Variants in CSMD1 observed in about 807,000 individuals in gnomAD.
The protein encoded by CSMD1 is CUB and Sushi multiple domains 1.
Under a neutral mutation model 417.5 loss-of-function variants are expected in CSMD1, and 213 were observed. The observed-to-expected ratio is 0.51, with a 90% CI of 0.46 to 0.57. The LOEUF (loss-of-function observed/expected upper bound fraction) is 0.57. Ranked by LOEUF, CSMD1 falls within the 20% of genes least tolerant of loss-of-function variation. CSMD1 has a pLI of 0.00. For missense variants in CSMD1, 6,923 were observed against 4,529.7 expected (o/e 1.53, Z -15.17); for synonymous variants, 2,862 against 1,736.8 (o/e 1.65, Z -16.11).
intron 3 of CSMD1, among the ~76,000 whole-genome samples, chr8:4,122,004 T>G (rs115577702): frequency 0.079 from 12,027 of 152,112 alleles, 521 homozygotes; most frequent in Middle Eastern, 0.099. Context: ...TTTTTAATCA[T>G]TAAGAATAAT....
chr8:3,285,299 A>G (rs1379563462), intron 25 of CSMD1, among the ~76,000 whole-genome samples: 1 of 152,214 alleles, frequency 6.6e-6, no homozygotes, highest in Non-Finnish European at 1.5e-5. Flanking sequence ...GTATTTTTAA[A>G]ATAATCAAGA....
chr8:4,066,663 A>G (rs1799266337), intron 3 of CSMD1, among the ~76,000 whole-genome samples: 1 of 152,192 alleles, frequency 6.6e-6, no homozygotes, highest in Non-Finnish European at 1.5e-5. Flanking sequence ...TGCTCATCAA[A>G]CCAAGAACAT....
At chr8:4,742,725 G>A (rs1391918492) in intron 1 of CSMD1, among the ~76,000 whole-genome samples, 4 of 152,088 alleles carry the variant, frequency 2.6e-5, no homozygotes, top group African/African-American at 9.7e-5. Context: ...TGTGAAAATG[G>A]CAAGTGGCAG....
At chr8:4,225,300 T>G (rs544108066) in intron 3 of CSMD1, among the ~76,000 whole-genome samples, 111 of 152,172 alleles carry the variant, frequency 7.3e-4, no homozygotes, top group Non-Finnish European at 1.3e-3. Flanking sequence ...TGTTTTAAAC[T>G]TTCTTTTCTG....
chr8:3,119,848 C>G (rs574141622), intron 41 of CSMD1, among the ~76,000 whole-genome samples: 2 of 152,286 alleles, frequency 1.3e-5, no homozygotes, highest in South Asian at 4.1e-4. Context: ...CTGAAACCAA[C>G]CCTCAGCGCC....
chr8:4,535,063 T>C (rs1481730474), intron 2 of CSMD1, among the ~76,000 whole-genome samples: 1 of 152,198 alleles, frequency 6.6e-6, no homozygotes, highest in African/African-American at 2.4e-5. Context: ...GCCTGGCCAA[T>C]TTATTTCTTT....
At chr8:4,276,416 T>C (rs971097797) in intron 3 of CSMD1, among the ~76,000 whole-genome samples, 1 of 151,782 alleles carries the variant, frequency 6.6e-6, no homozygotes. Context: ...TAAGTGGGAG[T>C]TGAACAATGA....
At chr8:4,214,448 C>A (rs750269393) in intron 3 of CSMD1, among the ~76,000 whole-genome samples, 1 of 152,146 alleles carries the variant, frequency 6.6e-6, no homozygotes, top group African/African-American at 2.4e-5. Context: ...CAGGCATGCA[C>A]CACCACACTT....
intron 7 of CSMD1, among the ~76,000 whole-genome samples, chr8:3,631,180 T>C (rs73493663): frequency 0.077 from 11,728 of 152,248 alleles, 1,003 homozygotes; most frequent in African/African-American, 0.21. Flanking sequence ...GCAGGACTCC[T>C]TCCCCTTCTC....
intron 7 of CSMD1, among the ~76,000 whole-genome samples, chr8:3,634,010 T>A (rs1470922641): frequency 6.6e-6 from 1 of 151,606 alleles, no homozygotes; most frequent in East Asian, 1.9e-4. Flanking sequence ...TGTCTGTAAA[T>A]GTTTTATCTG....
chr8:3,942,307 T>C (rs1810937193), intron 5 of CSMD1, among the ~76,000 whole-genome samples: 1 of 152,132 alleles, frequency 6.6e-6, no homozygotes, highest in Non-Finnish European at 1.5e-5. Context: ...ATCCCTCCTC[T>C]TCCAGTGGAA....
chr8:4,149,598 A>C (rs1374838790), intron 3 of CSMD1, among the ~76,000 whole-genome samples: 4 of 152,222 alleles, frequency 2.6e-5, no homozygotes. Context: ...CTAAAAGGGA[A>C]ATAAACAACT....
At chr8:3,833,165 G>C (rs776292831) in intron 5 of CSMD1, among the ~76,000 whole-genome samples, 2 of 152,064 alleles carry the variant, frequency 1.3e-5, no homozygotes, top group Non-Finnish European at 2.9e-5. Context: ...TTTCAGGAAA[G>C]TATATAATCA....
Position 4,308,686 on chromosome 8 carries a change from G to A in CSMD1, c.415+111267C>T, listed in dbSNP as rs1157001703. Among the ~76,000 whole-genome samples the A allele has an allele frequency of 2.0e-5, 3 of 152,178 alleles. No individual in the cohort carries two copies. The East Asian group carries it at 5.8e-4, about 29-fold the overall frequency. The stretch of plus-strand genomic sequence containing the variant: ...AGAGGCTTTACGCAAATATCTGGGT[G>A]CTTTTGGAGTTTAATTGCATTTGCA... On this transcript the variant is annotated intron_variant, in intron 3 of 69. Coordinates refer to ENST00000635120, the MANE Select transcript of CSMD1 (RefSeq NM_033225.6).
chr8:3,689,245 A>G (rs7822527), intron 7 of CSMD1, among the ~76,000 whole-genome samples: 71,088 of 151,994 alleles, frequency 0.47, 16,847 homozygotes, highest in East Asian at 0.59. Context: ...CACAGTTACC[A>G]TGAAGTGAAT....
At position 3,029,305 on chromosome 8, in the gene CSMD1, C is replaced by T. The variant is rs776146830; in HGVS notation, c.7855+14G>A. On this transcript the variant is annotated intron_variant, in intron 51 of 69. Transcript: ENST00000635120. ...GATGCCGTGACTTTCAGGGGTGCCT[C>T]CCTCATCACTTACCTCGACAGCTTG... 24 of 1,590,186 alleles carry T rather than the reference C, an allele frequency of 1.5e-5. No homozygotes were observed. The highest frequency in any genetic ancestry group is 2.0e-5 in the Non-Finnish European group (23 of 1,167,894).
At chr8:4,651,124 T>G (rs930458608) in intron 1 of CSMD1, among the ~76,000 whole-genome samples, 1 of 152,120 alleles carries the variant, frequency 6.6e-6, no homozygotes, top group Admixed American at 6.6e-5. Flanking sequence ...AGCAAAAAGC[T>G]GAGGCTAAAA....
chr8:3,881,608 C>CAAAAAA (rs370466578), intron 5 of CSMD1, among the ~76,000 whole-genome samples: 27 of 101,944 alleles, frequency 2.6e-4, no homozygotes, highest in South Asian at 6.3e-4. Flanking sequence ...GACTCCATCT[C>CAAAAAA]AAAAAAAAAA....
At chr8:3,785,942 G>A (rs568022391) in intron 5 of CSMD1, among the ~76,000 whole-genome samples, 1 of 152,324 alleles carries the variant, frequency 6.6e-6, no homozygotes, top group African/African-American at 2.4e-5. Flanking sequence ...GAAATGGAAG[G>A]CAGACAATTG....
Sources: allele counts gnomAD v4.1 joint callset (sites outside exome capture counted in the v4.1 genomes callset), GRCh38; gene constraint gnomAD v4.1.1; transcripts MANE v1.5; gene names NCBI Gene and HGNC (gene_info 2026-07-23, HGNC 2026-07-21).